The following PINX1 variants were observed in gnomAD, a reference collection of about 807,000 sequenced individuals.
The protein encoded by PINX1 is PIN2 (TERF1) interacting telomerase inhibitor 1.
PINX1 carries 34 observed loss-of-function variants against 25.4 expected under a neutral mutation model. That is an observed-to-expected ratio of 1.34 (90% confidence interval 1.02 to 1.78). The LOEUF (loss-of-function observed/expected upper bound fraction) is 1.78, where lower values mean the gene tolerates loss of function less well. Among genes scored for constraint, PINX1 ranks in the 40% most tolerant of loss-of-function variants. The pLI is 0.00. For missense variants in PINX1, 592 were observed against 404.9 expected (o/e 1.46, Z -3.97); for synonymous variants, 197 against 147.7 (o/e 1.33, Z -2.42).
At position 10,765,706 on chromosome 8, in the gene PINX1, G is replaced by A. The variant is rs1225902942; in HGVS notation, c.682C>T (p.Leu228Phe). 2 of 1,613,960 alleles carry A rather than the reference G, an allele frequency of 1.2e-6. No individual in the cohort carries two copies. The highest frequency in any genetic ancestry group is 2.2e-5 in the East Asian group (1 of 44,866). The change falls in exon 7 of 7, where the codon CTC becomes TTC. Residue 228 changes from leucine to phenylalanine, a missense_variant. By Grantham distance (22) the Leu-to-Phe change is conservative. Transcript: ENST00000314787. ...EATGKDVESY[L>F]QPKAKRHTEG... ...GTGTGCCTCTTGGCCTTAGGCTGGAGGTAACTTTCCACATCTTTACCTGTG... is the reference window on the plus strand; with the variant it reads ...GTGTGCCTCTTGGCCTTAGGCTGGAAGTAACTTTCCACATCTTTACCTGTG...
intron 6 of PINX1, among the ~76,000 whole-genome samples, chr8:10,819,554 C>G (rs1033007567): frequency 6.6e-6 from 1 of 152,162 alleles, no homozygotes; most frequent in Non-Finnish European, 1.5e-5. Flanking sequence ...TCTTACACTT[C>G]AAAACAGCAC....
rs1171286050 is a variant in PINX1, at chr8:10,777,747, G to A, written c.472-11831C>T. Among the ~76,000 whole-genome samples, 11 of 152,280 alleles carry A rather than the reference G, an allele frequency of 7.2e-5. No homozygotes were observed. In the East Asian group the frequency reaches 7.7e-4, roughly 11 times the overall value. On this transcript the variant is annotated intron_variant, in intron 6 of 6. Transcript: ENST00000314787. ...GAGAGATGTTTTTATAAGGACTTCC[G>A]TTCTGGTTAGAATGAACCACCACTT...
intron 6 of PINX1, among the ~76,000 whole-genome samples, chr8:10,791,326 A>G (rs973977872): frequency 2.6e-5 from 4 of 152,186 alleles, no homozygotes; most frequent in Admixed American, 2.6e-4. Context: ...AAGCATCTGA[A>G]GCCTCTAGTG....
At chr8:10,826,419 G>A (rs11776767) in intron 4 of PINX1, among the ~76,000 whole-genome samples, 175 bp from the exon 5 acceptor site, 1 of 152,014 alleles carries the variant, frequency 6.6e-6, no homozygotes, top group Admixed American at 6.5e-5. Flanking sequence ...TTTCTTTCTA[G>A]GAGTCAAATG....
intron 6 of PINX1, among the ~76,000 whole-genome samples, chr8:10,782,230 C>T (rs1229222028): frequency 1.3e-5 from 2 of 151,576 alleles, no homozygotes; most frequent in African/African-American, 4.9e-5. Flanking sequence ...TGTGTAGGTC[C>T]CCACACTGTA....
chr8:10,839,511 G>C (rs1586220821), intron 1 of PINX1, among the ~76,000 whole-genome samples: 1 of 152,194 alleles, frequency 6.6e-6, no homozygotes, highest in East Asian at 1.9e-4. Flanking sequence ...TGAGAACGGC[G>C]TCTCCGGGAG....
At position 10,792,980 on chromosome 8, in the gene PINX1, T is replaced by A. The variant is rs569319390; in HGVS notation, c.472-27064A>T. 1.2e-3 allele frequency among the ~76,000 whole-genome samples: 186 copies of A among 152,288 alleles called. 3 individuals are homozygous for A. In the South Asian group the frequency reaches 0.034, roughly 28 times the overall value. ...ACTGCACCTCAGCCCTTGTCCAGAC[T>A]GTCTTGTTGCCACTTCCATGGATTT... On this transcript the variant is annotated intron_variant, in intron 6 of 6. Transcript: ENST00000314787.
intron 6 of PINX1, among the ~76,000 whole-genome samples, chr8:10,769,276 C>A (rs1030714730): frequency 6.6e-6 from 1 of 152,156 alleles, no homozygotes; most frequent in Admixed American, 6.5e-5. Flanking sequence ...ATTACTTTTG[C>A]ACCAACCTAA....
At chr8:10,783,346 T>C (rs999064727) in intron 6 of PINX1, among the ~76,000 whole-genome samples, 15 of 152,200 alleles carry the variant, frequency 9.9e-5, no homozygotes, top group Admixed American at 4.6e-4. Context: ...TGTTTCAAAG[T>C]AACACAGAAA....
intron 6 of PINX1, among the ~76,000 whole-genome samples, chr8:10,808,518 G>A (rs1332320467): frequency 6.6e-6 from 1 of 152,176 alleles, no homozygotes; most frequent in African/African-American, 2.4e-5. Flanking sequence ...TGCTTAATGT[G>A]ATCTCATTTA....
At chr8:10,788,703 G>C (rs528785714) in intron 6 of PINX1, among the ~76,000 whole-genome samples, 33 of 152,304 alleles carry the variant, frequency 2.2e-4, no homozygotes, top group Non-Finnish European at 3.7e-4. Context: ...CCTGAAGCCT[G>C]GCAGTTCCAT....
At chr8:10,824,286 A>C (rs759137722) in intron 5 of PINX1, among the ~76,000 whole-genome samples, 13 of 152,216 alleles carry the variant, frequency 8.5e-5, no homozygotes, top group Non-Finnish European at 1.5e-4. Flanking sequence ...ACCCTAGAGG[A>C]AACTTTAAAA....
At position 10,834,759 on chromosome 8, in the gene PINX1, C is replaced by T. The variant is rs1207776839; in HGVS notation, c.36G>A (p.Lys12=). ...CAGTGTTCTGAGGATCCACAGCCCA[C>T]TTCTGCTTCCGCCGACCTGTAAATG... ...SMLAERRRKQ[K]WAVDPQNTAW... is the part of the protein sequence containing the mutation. Residue 12 remains lysine, a synonymous_variant, in exon 2 of 7, where the codon AAG becomes AAA. Coordinates refer to ENST00000314787, the MANE Select transcript of PINX1 (RefSeq NM_017884.6). 6.2e-7 allele frequency: 1 copy of T among 1,613,112 alleles called. No individual in the cohort carries two copies. Among genetic ancestry groups the T allele is most frequent in the East Asian group, 2.2e-5 (1 of 44,880 alleles).
At chr8:10,838,672 T>C (rs538644848) in intron 1 of PINX1, among the ~76,000 whole-genome samples, 1 of 152,326 alleles carries the variant, frequency 6.6e-6, no homozygotes, top group Admixed American at 6.5e-5. Context: ...GACTCCTCAT[T>C]TTTTACTGGT....
At chr8:10,786,507 C>T (rs555182022) in intron 6 of PINX1, among the ~76,000 whole-genome samples, 48 of 152,246 alleles carry the variant, frequency 3.2e-4, no homozygotes, top group African/African-American at 9.9e-4. Context: ...CAAGTCTCAG[C>T]GTGGCTGCAG....
intron 6 of PINX1, among the ~76,000 whole-genome samples, chr8:10,809,303 G>A (rs11779094): frequency 0.14 from 22,037 of 152,184 alleles, 2,755 homozygotes; most frequent in African/African-American, 0.34. Flanking sequence ...ACAAATAAAA[G>A]AAAGGCACAC....
At chr8:10,809,257 G>A (rs1802550173) in intron 6 of PINX1, among the ~76,000 whole-genome samples, 1 of 152,186 alleles carries the variant, frequency 6.6e-6, no homozygotes, top group Non-Finnish European at 1.5e-5. Context: ...GGAGCAAGTG[G>A]CTGGAGGGAA....
chr8:10,839,711 G>C (rs1305757354), intron 1 of PINX1, 27 bp downstream of exon 1: 1 of 1,598,114 alleles, frequency 6.3e-7, no homozygotes, highest in African/African-American at 1.3e-5. Context: ...AACGCGCCTG[G>C]GTCGGGCCTC....
intron 6 of PINX1, among the ~76,000 whole-genome samples, chr8:10,780,464 C>T (rs992762668): frequency 6.6e-6 from 1 of 152,124 alleles, no homozygotes; most frequent in Non-Finnish European, 1.5e-5. Context: ...CTGAGATGAT[C>T]ACGTGGTTTT....
Sources: allele counts gnomAD v4.1 joint callset (sites outside exome capture counted in the v4.1 genomes callset), GRCh38; gene constraint gnomAD v4.1.1; transcripts MANE v1.5; gene names NCBI Gene and HGNC (gene_info 2026-07-23, HGNC 2026-07-21).